NLGN1: variants seen among roughly 807,000 people sequenced by gnomAD.
NLGN1 encodes neuroligin 1, also known as neuroligin-1.
Under a neutral mutation model 65.5 loss-of-function variants are expected in NLGN1, and 12 were observed. The ratio of observed to expected loss-of-function variants is 0.18; its 90% CI spans 0.12 to 0.30. The LOEUF (loss-of-function observed/expected upper bound fraction) is 0.30, where lower values mean the gene tolerates loss of function less well. Ranked by LOEUF, NLGN1 falls within the 10% of genes least tolerant of loss-of-function variation. The probability of loss-of-function intolerance (pLI) is 1.00; values close to 1 mark genes in which losing one functional copy is unlikely to be tolerated. For missense variants in NLGN1, 750 were observed against 1,007.1 expected, an observed-to-expected ratio of 0.74 and a Z score of 3.46; for synonymous variants, 350 against 359.5, an observed-to-expected ratio of 0.97 and a Z score of 0.30.
At chr3:174,212,696 A>G (rs145287243) in intron 4 of NLGN1, among the ~76,000 whole-genome samples, 129 of 152,400 alleles carry the variant, frequency 8.5e-4, no homozygotes, top group Middle Eastern at 6.8e-3. Flanking sequence ...TACCACAAAT[A>G]TAATGGATTA....
chr3:174,027,320 C>T (rs969298744), intron 4 of NLGN1, among the ~76,000 whole-genome samples: 7 of 152,082 alleles, frequency 4.6e-5, no homozygotes, highest in Non-Finnish European at 1.0e-4. Context: ...CCCTGTTCTC[C>T]AACATTCGAA....
At chr3:173,401,754 T>C (rs901998613) in intron 1 of NLGN1, among the ~76,000 whole-genome samples, 1 of 152,124 alleles carries the variant, frequency 6.6e-6, no homozygotes, top group Non-Finnish European at 1.5e-5. Context: ...GATGGCAGAG[T>C]GAATCAATAC....
At chr3:173,445,439 T>G (rs1013307184) in intron 2 of NLGN1, among the ~76,000 whole-genome samples, 1 of 152,180 alleles carries the variant, frequency 6.6e-6, no homozygotes, top group African/African-American at 2.4e-5. Context: ...GGCTCAAAAC[T>G]CTTTATACAT....
chr3:173,947,545 C>T (rs569073607), intron 4 of NLGN1, among the ~76,000 whole-genome samples: 12 of 152,220 alleles, frequency 7.9e-5, no homozygotes, highest in Non-Finnish European at 1.3e-4. Context: ...TAAATAATTA[C>T]GCTTTTCTCA....
intron 4 of NLGN1, among the ~76,000 whole-genome samples, chr3:173,848,721 T>C (rs547381957): frequency 1.4e-4 from 21 of 152,322 alleles, no homozygotes; most frequent in African/African-American, 3.4e-4. Flanking sequence ...TTTGGAATGC[T>C]TGTTGATTTT....
intron 3 of NLGN1, among the ~76,000 whole-genome samples, chr3:173,790,624 A>G (rs1712498043): frequency 1.3e-5 from 2 of 152,032 alleles, no homozygotes; most frequent in African/African-American, 4.8e-5. Flanking sequence ...GGGACAACCT[A>G]ATTCTAAAAT....
At chr3:173,909,924 C>T (rs1739244756) in intron 4 of NLGN1, among the ~76,000 whole-genome samples, 1 of 152,154 alleles carries the variant, frequency 6.6e-6, no homozygotes, top group African/African-American at 2.4e-5. Flanking sequence ...GTGTTCCACC[C>T]TACTTGGCCT....
At chr3:173,502,152 C>T (rs1012885637) in intron 2 of NLGN1, among the ~76,000 whole-genome samples, 1 of 152,008 alleles carries the variant, frequency 6.6e-6, no homozygotes, top group Non-Finnish European at 1.5e-5. Context: ...GTGAGTAGTT[C>T]ATTTTGACAA....
intron 4 of NLGN1, among the ~76,000 whole-genome samples, chr3:174,055,006 A>G (rs1008088749): frequency 5.3e-5 from 8 of 151,936 alleles, no homozygotes; most frequent in African/African-American, 1.9e-4. Context: ...ACTTAGCACT[A>G]GAGTCACCTC....
intron 4 of NLGN1, among the ~76,000 whole-genome samples, chr3:173,895,290 G>A (rs944510421): frequency 6.6e-6 from 1 of 152,046 alleles, no homozygotes; most frequent in Non-Finnish European, 1.5e-5. Context: ...TCTATGCAAG[G>A]TAATATAGTC....
chr3:174,271,510 G>GTAAT (rs1749399385), intron 4 of NLGN1, among the ~76,000 whole-genome samples: 1 of 151,714 alleles, frequency 6.6e-6, no homozygotes, highest in Admixed American at 6.6e-5. Context: ...CTTGATCACA[G>GTAAT]TAATTATCTG....
intron 4 of NLGN1, among the ~76,000 whole-genome samples, chr3:173,965,783 G>T (rs1179421853): frequency 2.0e-5 from 3 of 152,020 alleles, no homozygotes; most frequent in Non-Finnish European, 4.4e-5. Context: ...AAATAAAGGT[G>T]CATTTGCCAC....
At chr3:173,865,204 C>A (rs972472163) in intron 4 of NLGN1, among the ~76,000 whole-genome samples, 1 of 151,764 alleles carries the variant, frequency 6.6e-6, no homozygotes, top group Non-Finnish European at 1.5e-5. Flanking sequence ...TTGTATTAAT[C>A]CTTTCTTTAG....
intron 2 of NLGN1, among the ~76,000 whole-genome samples, chr3:173,560,332 A>T (rs1364583050): frequency 6.6e-6 from 1 of 152,112 alleles, no homozygotes; most frequent in Non-Finnish European, 1.5e-5. Flanking sequence ...GAAAGAAAGA[A>T]AGAGAGAAAG....
At chr3:173,680,952 AT>A (rs1247141436) in intron 3 of NLGN1, among the ~76,000 whole-genome samples, 7 of 151,980 alleles carry the variant, frequency 4.6e-5, no homozygotes, top group Admixed American at 3.3e-4. Flanking sequence ...TTCAGGCTAC[AT>A]TTTTTTTAAA....
Position 173,895,116 on chromosome 3 carries a change from G to A in NLGN1, c.646+87284G>A, listed in dbSNP as rs539156000. 2.6e-5 allele frequency among the ~76,000 whole-genome samples: 4 copies of A among 152,154 alleles called. No individual in the cohort carries two copies. The South Asian group carries it at 8.3e-4, about 32-fold the overall frequency. On this transcript the variant is annotated intron_variant, in intron 4 of 6. Transcript: ENST00000457714. ...TGATCTAATAATTCAGTTTCTTGTA[G>A]TTGTACTACTGAGGAGAGTCCCCAG...
intron 2 of NLGN1, among the ~76,000 whole-genome samples, chr3:173,515,547 C>T (rs1733681248): frequency 6.6e-6 from 1 of 152,156 alleles, no homozygotes; most frequent in East Asian, 1.9e-4. Context: ...TGTCAACATT[C>T]ATCAAATCAT....
chr3:174,032,630 G>GC (rs1468017893), intron 4 of NLGN1, among the ~76,000 whole-genome samples: 1 of 152,126 alleles, frequency 6.6e-6, no homozygotes, highest in Non-Finnish European at 1.5e-5. Context: ...TTAGAGGAAA[G>GC]CCCCACACTC....
intron 3 of NLGN1, among the ~76,000 whole-genome samples, chr3:173,728,275 C>A (rs1004713543): frequency 2.6e-5 from 4 of 151,820 alleles, no homozygotes; most frequent in African/African-American, 9.7e-5. Context: ...CTATGAAAGT[C>A]CTAAGAAACA....
Sources: gnomAD v4.1 joint callset for allele counts (sites outside exome capture counted in the v4.1 genomes callset) on GRCh38, gnomAD v4.1.1 for gene constraint, MANE v1.5 for transcripts, NCBI Gene and HGNC (gene_info 2026-07-23, HGNC 2026-07-21) for gene names.